Variants in GPATCH2L observed in about 807,000 individuals in gnomAD.
The protein encoded by GPATCH2L is G-patch domain containing 2 like.
In GPATCH2L, 31 loss-of-function variants were observed where a neutral mutation model predicts 57.4. The observed-to-expected ratio is 0.54, with a 90% CI of 0.41 to 0.73. GPATCH2L has a LOEUF of 0.73. Among genes scored for constraint, GPATCH2L ranks in the 30% least tolerant of loss-of-function variants. GPATCH2L has a pLI of 0.00. For synonymous variants in GPATCH2L, 199 were observed against 210.7 expected (o/e 0.94, Z 0.48); for missense variants, 481 against 599.9 (o/e 0.80, Z 2.07).
chr14:76,163,384 C>G (rs2038688336), intron 2 of GPATCH2L, among the ~76,000 whole-genome samples: 1 of 152,164 alleles, frequency 6.6e-6, no homozygotes, highest in Non-Finnish European at 1.5e-5. Flanking sequence ...TCTGAATAAA[C>G]TCAGTTCAAG....
At chr14:76,181,377 A>G (rs2039554468) in intron 8 of GPATCH2L, among the ~76,000 whole-genome samples, 1 of 152,198 alleles carries the variant, frequency 6.6e-6, no homozygotes, top group African/African-American at 2.4e-5. Context: ...CCACCTCGTC[A>G]AGGAGGACCA....
intron 8 of GPATCH2L, among the ~76,000 whole-genome samples, chr14:76,191,790 C>T (rs1314005831): frequency 6.6e-6 from 1 of 152,106 alleles, no homozygotes; most frequent in Admixed American, 6.6e-5. Flanking sequence ...TTGTTAGAAG[C>T]ATTCAATATC....
downstream of GPATCH2L, among the ~76,000 whole-genome samples, chr14:76,217,917 A>G (rs890867503): frequency 9.2e-5 from 14 of 152,200 alleles, no homozygotes; most frequent in Non-Finnish European, 1.8e-4. Flanking sequence ...GTGAAGTATT[A>G]TGCTTGAACA....
In GPATCH2L at chr14:76,209,617, G is replaced by A. The variant is rs1323589869; in HGVS notation, c.*7766G>A. On this transcript the variant is annotated 3_prime_UTR_variant, in exon 10 of 10. Coordinates refer to ENST00000261530, the MANE Select transcript of GPATCH2L (RefSeq NM_017926.4). ...AAAAGGGGCTCCTCCACCTAATGCT[G>A]TCTTTAATCTGTGGCTTTCTGCTGC... 1 of 152,270 alleles carries A rather than the reference G, an allele frequency of 6.6e-6. No homozygotes were observed. The highest frequency in any genetic ancestry group is 2.4e-5 in the African/African-American group (1 of 41,464). 9.4% of individuals were successfully genotyped at this position (152,270 alleles called of 1,614,324 possible). A position where few individuals can be genotyped will look rare whatever the true frequency, so the allele number is the denominator to read the frequency against.
At chr14:76,182,585 C>CAAAAAAAAAAA (rs66602777) in intron 8 of GPATCH2L, among the ~76,000 whole-genome samples, 2 of 84,820 alleles carry the variant, frequency 2.4e-5, no homozygotes, top group Admixed American at 1.4e-4. Context: ...GACCCTGTCT[C>CAAAAAAAAAAA]AAAAAAAAAA....
At position 76,208,264 on chromosome 14, in the gene GPATCH2L, A is replaced by G. The variant is rs1211149701; in HGVS notation, c.*6413A>G. On this transcript the variant is annotated 3_prime_UTR_variant, in exon 10 of 10. Transcript: ENST00000261530. ...GGAAAGAAAATATCAGAGAACTTAAAGATGGCCTTCGTGACTTTGACTCAA... is the reference window on the plus strand; with the variant it reads ...GGAAAGAAAATATCAGAGAACTTAAGGATGGCCTTCGTGACTTTGACTCAA... 1 of 152,202 alleles carries G rather than the reference A, an allele frequency of 6.6e-6. No individual in the cohort carries two copies. Among genetic ancestry groups the G allele is most frequent in the Non-Finnish European group, 1.5e-5 (1 of 68,032 alleles). 9.4% of individuals were successfully genotyped at this position (152,202 alleles called of 1,614,324 possible).
intron 7 of GPATCH2L, 193 bp downstream of exon 7, chr14:76,178,235 A>G (rs1165420330): frequency 1.3e-6 from 2 of 1,505,946 alleles, no homozygotes; most frequent in East Asian, 2.5e-5. Context: ...AGAAAGCAGA[A>G]TGAATCTGAT....
intron 8 of GPATCH2L, 74 bp downstream of exon 8, chr14:76,180,923 G>A: frequency 1.1e-6 from 1 of 891,702 alleles, no homozygotes; most frequent in Admixed American, 1.7e-5. Context: ...TCAAATTATA[G>A]AGTATGCTTG....
intron 8 of GPATCH2L, among the ~76,000 whole-genome samples, chr14:76,190,208 C>T (rs139267344): frequency 1.6e-3 from 245 of 152,080 alleles, no homozygotes; most frequent in African/African-American, 5.5e-3. Context: ...CTCACCTGAT[C>T]TTTCAGTTAC....
At chr14:76,191,409 C>T (rs1024441908) in intron 8 of GPATCH2L, among the ~76,000 whole-genome samples, 2 of 151,924 alleles carry the variant, frequency 1.3e-5, no homozygotes, top group East Asian at 3.9e-4. Flanking sequence ...AATAGGAAGC[C>T]GAAGCTGTAG....
rs910103727 is a variant in GPATCH2L at position 76,213,401 on chromosome 14, A to C, written c.*11550A>C. Reference sequence around the variant, plus strand: ...AAATGAAGTAAGTATTTCAATTAGCATGACAGACTAAATACTTTTAAAGAC... The same window carrying C: ...AAATGAAGTAAGTATTTCAATTAGCCTGACAGACTAAATACTTTTAAAGAC... On this transcript the variant is annotated 3_prime_UTR_variant, in exon 10 of 10. Coordinates refer to ENST00000261530, the MANE Select transcript of GPATCH2L (RefSeq NM_017926.4). The C allele has an allele frequency of 1.3e-5, 2 of 152,230 alleles. No homozygotes were observed. The highest frequency in any genetic ancestry group is 2.9e-5 in the Non-Finnish European group (2 of 68,040). The allele number at this position is 152,230 out of a possible 1,614,324, so 9.4% of individuals were successfully genotyped here. A position where few individuals can be genotyped will look rare whatever the true frequency, so the allele number is the denominator to read the frequency against.
chr14:76,167,544 G>C (rs1235253762), intron 3 of GPATCH2L, among the ~76,000 whole-genome samples: 1 of 152,212 alleles, frequency 6.6e-6, no homozygotes, highest in Admixed American at 6.5e-5. Context: ...TAACTGAAGA[G>C]ATACTGGGGC....
chr14:76,220,721 T>C (rs1487629244), intron 1 of GPATCH2L, among the ~76,000 whole-genome samples: 2 of 152,080 alleles, frequency 1.3e-5, no homozygotes, highest in Admixed American at 6.6e-5. Context: ...TTCCAAAGGG[T>C]AAATCACCTA....
Position 76,176,608 on chromosome 14 carries a change from G to A in GPATCH2L, c.985-15G>A, listed in dbSNP as rs1163156544. The A allele has an allele frequency of 2.5e-6, 4 of 1,575,650 alleles. No homozygotes were observed. Among genetic ancestry groups the A allele is most frequent in the Middle Eastern group, 1.7e-4 (1 of 5,996 alleles). On this transcript the variant is annotated splice_polypyrimidine_tract_variant and intron_variant, in intron 5 of 9. Coordinates refer to ENST00000261530, the MANE Select transcript of GPATCH2L (RefSeq NM_017926.4). ...CTGTGGTTGGATGATACTCTTGTCTGCCTTTTCTTTTTAGGAGACCAGCAT... is the reference window on the plus strand; with the variant it reads ...CTGTGGTTGGATGATACTCTTGTCTACCTTTTCTTTTTAGGAGACCAGCAT...
At chr14:76,223,441 T>C (rs943533117) in intron 1 of GPATCH2L, among the ~76,000 whole-genome samples, 3 of 151,076 alleles carry the variant, frequency 2.0e-5, no homozygotes, top group African/African-American at 7.3e-5. Context: ...TAAAAACATA[T>C]CAAAGACCTA....
intron 3 of GPATCH2L, 29 bp downstream of exon 3, chr14:76,166,756 G>A (rs764102902): frequency 6.1e-6 from 9 of 1,472,792 alleles, no homozygotes; most frequent in Non-Finnish European, 6.7e-6. Context: ...TTGGGACCTT[G>A]GTTCCGTGTT....
chr14:76,231,059 C>T (rs1464655112), intron 2 of GPATCH2L, among the ~76,000 whole-genome samples: 1 of 152,216 alleles, frequency 6.6e-6, no homozygotes, highest in East Asian at 1.9e-4. Flanking sequence ...AGTCTCAACT[C>T]ATTGCTGGCT....
intron 8 of GPATCH2L, among the ~76,000 whole-genome samples, chr14:76,192,435 T>G (rs993424146): frequency 8.5e-5 from 13 of 152,120 alleles, no homozygotes; most frequent in African/African-American, 3.1e-4. Context: ...TTATTCTACC[T>G]CCTATGAAAT....
At chr14:76,231,933 A>G (rs2040564063) in intron 2 of GPATCH2L, among the ~76,000 whole-genome samples, 1 of 1,138 alleles carries the variant, frequency 8.8e-4, no homozygotes, top group African/African-American at 1.3e-3. Flanking sequence ...TCACTTTGTC[A>G]CCAGGATAGA....
Sources: allele counts gnomAD v4.1 joint callset (sites outside exome capture counted in the v4.1 genomes callset), GRCh38; gene constraint gnomAD v4.1.1; transcripts MANE v1.5; gene names NCBI Gene and HGNC (gene_info 2026-07-23, HGNC 2026-07-21).